Variants in CACNA1E observed in about 807,000 individuals in gnomAD.
The protein encoded by CACNA1E is calcium voltage-gated channel subunit alpha1 E.
In CACNA1E, 40 loss-of-function variants were observed where a neutral mutation model predicts 259.2. That is an observed-to-expected ratio of 0.15 (90% confidence interval 0.12 to 0.20). CACNA1E has a LOEUF of 0.20. Among genes scored for constraint, CACNA1E ranks in the 10% least tolerant of loss-of-function variants. The probability of loss-of-function intolerance (pLI) is 1.00; values close to 1 mark genes in which losing one functional copy is unlikely to be tolerated. For synonymous variants in CACNA1E, 1,104 were observed against 1,138.5 expected (o/e 0.97, Z 0.61); for missense variants, 1,874 against 3,040.1 (o/e 0.62, Z 9.02).
At chr1:181,413,391 T>G (rs995994398) in exon 2 of CACNA1E, 1 of 152,626 alleles carries the variant, frequency 6.6e-6, no homozygotes, top group African/African-American at 2.4e-5. Flanking sequence ...TTCTTCCAGG[T>G]GCAGGAGGGC....
chr1:181,489,100 G>A (rs1207832858), intron 1 of CACNA1E, among the ~76,000 whole-genome samples: 4 of 152,112 alleles, frequency 2.6e-5, no homozygotes, highest in Non-Finnish European at 4.4e-5. Flanking sequence ...GAAAGCTACA[G>A]CTCACCAAAC....
At chr1:181,676,360 G>A (rs959236139) in intron 7 of CACNA1E, among the ~76,000 whole-genome samples, 2 of 152,162 alleles carry the variant, frequency 1.3e-5, no homozygotes, top group Non-Finnish European at 2.9e-5. Context: ...TAATGGCCAG[G>A]ACGTTGCACT....
At chr1:181,559,385 A>G (rs1176549803) in intron 3 of CACNA1E, among the ~76,000 whole-genome samples, 1 of 152,200 alleles carries the variant, frequency 6.6e-6, no homozygotes, top group Non-Finnish European at 1.5e-5. Context: ...AAAGACTGGG[A>G]GTCATTTGCA....
At chr1:181,585,345 G>T (rs1651954126) in intron 6 of CACNA1E, among the ~76,000 whole-genome samples, 1 of 152,130 alleles carries the variant, frequency 6.6e-6, no homozygotes, top group African/African-American at 2.4e-5. Context: ...TTTCCCCTCT[G>T]TTTACATTCA....
chr1:181,679,237 C>T (rs1403040320), intron 7 of CACNA1E, among the ~76,000 whole-genome samples: 3 of 152,194 alleles, frequency 2.0e-5, no homozygotes, highest in African/African-American at 7.2e-5. Context: ...ATTATCTCTT[C>T]CTTACAACAA....
At chr1:181,581,485 C>A (rs1651538489) in intron 6 of CACNA1E, among the ~76,000 whole-genome samples, 2 of 152,078 alleles carry the variant, frequency 1.3e-5, no homozygotes, top group African/African-American at 2.4e-5. Context: ...GTGAGCTGTG[C>A]TTTTTTCAAG....
At chr1:181,740,553 G>T (rs1187192131) in intron 25 of CACNA1E, among the ~76,000 whole-genome samples, 2 of 152,132 alleles carry the variant, frequency 1.3e-5, no homozygotes, top group Non-Finnish European at 2.9e-5. Context: ...CTCTCTTAAG[G>T]AGAGGTACAA....
At chr1:181,416,435 C>T (rs1018751653) in intron 2 of CACNA1E, among the ~76,000 whole-genome samples, 15 of 152,148 alleles carry the variant, frequency 9.9e-5, no homozygotes, top group African/African-American at 3.6e-4. Context: ...CAGGTTGTTT[C>T]TTTTCTTATC....
chr1:181,612,910 G>C (rs1654877714), intron 6 of CACNA1E, among the ~76,000 whole-genome samples: 1 of 152,170 alleles, frequency 6.6e-6, no homozygotes, highest in Admixed American at 6.5e-5. Context: ...AATCCACCTG[G>C]AATTGATTTT....
At chr1:181,362,459 T>C (rs1382196708) in intron 1 of CACNA1E, among the ~76,000 whole-genome samples, 1 of 152,250 alleles carries the variant, frequency 6.6e-6, no homozygotes, top group Non-Finnish European at 1.5e-5. Context: ...CATAGGTATG[T>C]AGTCTCCAGT....
Position 181,800,397 on chromosome 1 carries a change from C to G in CACNA1E, c.*1563C>G, listed in dbSNP as rs1300285796. ...ATTCCTAATAGCCCAAACGCAGAAG[C>G]ACTGAGCAAGAGAGCCCTTTCTTGC... On this transcript the variant is annotated 3_prime_UTR_variant, in exon 48 of 48. Transcript: ENST00000367573. The G allele has an allele frequency of 6.6e-6, 1 of 152,658 alleles. No individual in the cohort carries two copies. The highest frequency in any genetic ancestry group is 1.5e-5 in the Non-Finnish European group (1 of 68,062). The allele number at this position is 152,658 out of a possible 1,614,324, so 9.5% of individuals were successfully genotyped here.
At chr1:181,380,507 C>G (rs1292382778) in intron 1 of CACNA1E, among the ~76,000 whole-genome samples, 1 of 152,100 alleles carries the variant, frequency 6.6e-6, no homozygotes, top group Admixed American at 6.5e-5. Context: ...ATCAACATCC[C>G]CCATGGACAT....
intron 1 of CACNA1E, among the ~76,000 whole-genome samples, chr1:181,373,537 CT>C (rs5779097): frequency 0.26 from 31,574 of 120,326 alleles, 2,772 homozygotes; most frequent in African/African-American, 0.29. Context: ...TCTTTTCTTT[CT>C]TTTTTTTTTT....
chr1:181,364,528 C>A (rs1654121618), intron 1 of CACNA1E, among the ~76,000 whole-genome samples: 1 of 152,126 alleles, frequency 6.6e-6, no homozygotes, highest in South Asian at 2.1e-4. Context: ...GGCCAGACCT[C>A]AGAGATCTTA....
intron 6 of CACNA1E, among the ~76,000 whole-genome samples, chr1:181,612,481 A>T (rs1406067151): frequency 6.6e-6 from 1 of 152,164 alleles, no homozygotes; most frequent in South Asian, 2.1e-4. Context: ...GTCAGGGCTG[A>T]TCAATCAGGT....
In CACNA1E at chr1:181,754,409, G is replaced by A. The variant is rs562865318; in HGVS notation, c.3829-828G>A. On this transcript the variant is annotated intron_variant, in intron 27 of 47. Coordinates refer to ENST00000367573, the MANE Select transcript of CACNA1E (RefSeq NM_001205293.3). ...GCAACTGCACAAATGCAGCACCACCGTGGGGCTAGATTGTCCTGTGAGCTA... is the reference window on the plus strand; with the variant it reads ...GCAACTGCACAAATGCAGCACCACCATGGGGCTAGATTGTCCTGTGAGCTA... 5.7e-4 allele frequency among the ~76,000 whole-genome samples: 87 copies of A among 152,286 alleles called. No individual in the cohort carries two copies. In the South Asian group the frequency reaches 0.016, roughly 28 times the overall value.
At chr1:181,510,321 C>A (rs1000359643) in intron 1 of CACNA1E, among the ~76,000 whole-genome samples, 156 bp from the exon 2 acceptor site, 1 of 152,140 alleles carries the variant, frequency 6.6e-6, no homozygotes, top group Non-Finnish European at 1.5e-5. Context: ...TGCTAAGGAC[C>A]ATCCACTGTC....
intron 6 of CACNA1E, among the ~76,000 whole-genome samples, chr1:181,607,773 C>T (rs1654371296): frequency 6.6e-6 from 1 of 152,104 alleles, no homozygotes; most frequent in African/African-American, 2.4e-5. Flanking sequence ...CTCTTAACTA[C>T]AGAGAAGAAA....
At chr1:181,551,369 G>A (rs942376148) in intron 3 of CACNA1E, among the ~76,000 whole-genome samples, 3 of 152,198 alleles carry the variant, frequency 2.0e-5, no homozygotes, top group African/African-American at 7.2e-5. Context: ...TGGTTGGTGG[G>A]GTGGTGATGC....
Sources: gnomAD v4.1 joint callset for allele counts (sites outside exome capture counted in the v4.1 genomes callset) on GRCh38, gnomAD v4.1.1 for gene constraint, MANE v1.5 for transcripts, NCBI Gene and HGNC (gene_info 2026-07-23, HGNC 2026-07-21) for gene names.